TTC17: variants seen among roughly 807,000 people sequenced by gnomAD.
TTC17 encodes tetratricopeptide repeat domain 17.
TTC17 carries 58 observed loss-of-function variants against 143.8 expected under a neutral mutation model. The observed-to-expected ratio is 0.40, with a 90% CI of 0.33 to 0.50. TTC17 has a LOEUF of 0.50. TTC17 is among the 20% of genes least tolerant of loss of function. TTC17 has a pLI of 0.49. For synonymous variants in TTC17, 501 were observed against 497.8 expected (o/e 1.01, Z -0.09); for missense variants, 1,273 against 1,392.5 (o/e 0.91, Z 1.37).
chr11:43,484,363 C>T (rs1438697069), intron 21 of TTC17, among the ~76,000 whole-genome samples: 1 of 152,026 alleles, frequency 6.6e-6, no homozygotes, highest in Admixed American at 6.5e-5. Context: ...AAATATACAT[C>T]GTTATAAAAA....
chr11:43,445,284 T>A (rs1947516663), intron 18 of TTC17, among the ~76,000 whole-genome samples: 1 of 152,212 alleles, frequency 6.6e-6, no homozygotes, highest in Admixed American at 6.5e-5. Context: ...TAATTGCCAC[T>A]GTTTTTCTTT....
chr11:43,491,379 G>A (rs1238483519), intron 22 of TTC17: 3 of 152,158 alleles, frequency 2.0e-5, no homozygotes, highest in Non-Finnish European at 4.4e-5. Flanking sequence ...AATAGGGAAG[G>A]GCTGAGGCTC....
intron 15 of TTC17, among the ~76,000 whole-genome samples, chr11:43,411,679 A>G (rs903347875): frequency 1.3e-5 from 2 of 152,194 alleles, no homozygotes; most frequent in Non-Finnish European, 2.9e-5. Flanking sequence ...TCAATGCAGG[A>G]TATTTTTACA....
At chr11:43,415,914 A>G (rs1184264384) in intron 16 of TTC17, among the ~76,000 whole-genome samples, 1 of 152,202 alleles carries the variant, frequency 6.6e-6, no homozygotes, top group East Asian at 1.9e-4. Flanking sequence ...TAGCAAGGCA[A>G]TAGAGTGGAG....
chr11:43,444,335 A>G (rs1947491418), intron 18 of TTC17, 126 bp downstream of exon 18: 1 of 899,832 alleles, frequency 1.1e-6, no homozygotes, highest in African/African-American at 1.7e-5. Flanking sequence ...TGTGGTCAAG[A>G]AACCAGTCTA....
chr11:43,483,060 A>C (rs1413358727), intron 21 of TTC17, among the ~76,000 whole-genome samples: 1 of 152,178 alleles, frequency 6.6e-6, no homozygotes, highest in African/African-American at 2.4e-5. Context: ...TATAATTGCA[A>C]CTTTATGCCA....
chr11:43,479,481 C>G (rs1948246502), intron 21 of TTC17, among the ~76,000 whole-genome samples: 2 of 151,958 alleles, frequency 1.3e-5, no homozygotes, highest in African/African-American at 2.4e-5. Context: ...AAAAAATTTA[C>G]CTGAAATATT....
At position 43,448,137 on chromosome 11, in the gene TTC17, CCT is replaced by C. The variant is rs1565172137; in HGVS notation, c.2786+19_2786+20del. ...AAAAACATTGAGTAAGTATGTTAAG[CCT>C]CTCCCTCCTTTATGGCATTTGAGTC... On this transcript the variant is annotated intron_variant, in intron 19 of 23. Coordinates refer to ENST00000039989, the MANE Select transcript of TTC17 (RefSeq NM_018259.6). The C allele has an allele frequency of 1.2e-6, 2 of 1,613,426 alleles. No homozygotes were observed. Among genetic ancestry groups the C allele is most frequent in the East Asian group, 4.5e-5 (2 of 44,864 alleles).
At chr11:43,420,777 A>C (rs1220865811) in intron 16 of TTC17, among the ~76,000 whole-genome samples, 1 of 152,162 alleles carries the variant, frequency 6.6e-6, no homozygotes, top group Admixed American at 6.5e-5. Context: ...TTTGTCCTGC[A>C]TGCCAAAAAA....
chr11:43,430,779 CTTCTT>C (rs1361542483), intron 16 of TTC17, among the ~76,000 whole-genome samples: 1 of 147,258 alleles, frequency 6.8e-6, no homozygotes, highest in Non-Finnish European at 1.5e-5. Flanking sequence ...ACATTGATAA[CTTCTT>C]TTTTTAATTA....
chr11:43,365,556 C>T (rs1856302525), intron 1 of TTC17, among the ~76,000 whole-genome samples: 2 of 152,230 alleles, frequency 1.3e-5, no homozygotes, highest in Admixed American at 1.3e-4. Flanking sequence ...GCATGAGCCG[C>T]CATGCCTGGC....
chr11:43,428,876 G>A (rs1405426239), intron 16 of TTC17, among the ~76,000 whole-genome samples: 2 of 152,122 alleles, frequency 1.3e-5, no homozygotes, highest in Non-Finnish European at 2.9e-5. Context: ...CACCAGGAGA[G>A]AGTGCTGATT....
At chr11:43,472,173 A>G (rs1213766285) in intron 21 of TTC17, among the ~76,000 whole-genome samples, 1 of 152,154 alleles carries the variant, frequency 6.6e-6, no homozygotes, top group Non-Finnish European at 1.5e-5. Context: ...CCTGAACAAC[A>G]GAGACCATCT....
intron 21 of TTC17, among the ~76,000 whole-genome samples, chr11:43,465,175 A>G (rs1043537737): frequency 2.0e-5 from 3 of 152,208 alleles, no homozygotes; most frequent in African/African-American, 7.2e-5. Context: ...CCTTTACACA[A>G]TGTCATAGCA....
chr11:43,379,209 T>G, intron 1 of TTC17, 24 bp from the exon 2 acceptor site: 1 of 1,601,478 alleles, frequency 6.2e-7, no homozygotes, highest in African/African-American at 1.3e-5. Context: ...ATCCGAGCTT[T>G]ATTTATTTAT....
At chr11:43,435,277 T>C (rs1947266867) in intron 16 of TTC17, 1 of 152,160 alleles carries the variant, frequency 6.6e-6, no homozygotes, top group African/African-American at 2.4e-5. Context: ...TGAAAATGCA[T>C]TTTCATTGAC....
At position 43,405,648 on chromosome 11, in the gene TTC17, G is replaced by T; in HGVS notation, c.1595+19G>T. Reference sequence around the variant, plus strand: ...GACTCAGGCAAGTGGTGATGGATTTGGCAAAGCACCTGATTCTGCATGATT... The same window carrying T: ...GACTCAGGCAAGTGGTGATGGATTTTGCAAAGCACCTGATTCTGCATGATT... On this transcript the variant is annotated intron_variant, in intron 12 of 23. Transcript: ENST00000039989. 1 of 1,612,910 alleles carries T rather than the reference G, an allele frequency of 6.2e-7. No homozygotes were observed. Among genetic ancestry groups the T allele is most frequent in the South Asian group, 1.1e-5 (1 of 91,040 alleles).
In TTC17 at chr11:43,405,791, A is replaced by G. The variant is rs1481610664; in HGVS notation, c.1601A>G (p.His534Arg). ...LPPENKGLRI[H>R]ELSSDDYSTE... ...GTTCCTTTTTCTTGTGCCAGGATCC[A>G]CGAACTCAGCAGTGATGATTATTCT... is the stretch of plus-strand genomic sequence containing the variant. Residue 534 changes from histidine to arginine, a missense_variant, in exon 13 of 24, where the codon CAC becomes CGC. By Grantham distance (29) the His-to-Arg change is conservative. This residue lies in a region of TTC17 where 878 missense variants were observed against 899.8 expected (regional missense o/e 0.98). Transcript: ENST00000039989. The G allele has an allele frequency of 1.9e-6, 3 of 1,613,514 alleles. No homozygotes were observed. The highest frequency in any genetic ancestry group is 2.5e-6 in the Non-Finnish European group (3 of 1,179,850).
intron 3 of TTC17, 147 bp downstream of exon 3, chr11:43,389,968 G>T (rs1857314474): frequency 1.6e-6 from 1 of 632,202 alleles, no homozygotes; most frequent in African/African-American, 1.9e-5. Flanking sequence ...ACTACATGTA[G>T]AATTCTTATA....
Sources: gnomAD v4.1 joint callset for allele counts (sites outside exome capture counted in the v4.1 genomes callset) on GRCh38, gnomAD v4.1.1 for gene constraint, gnomAD v4.1.1 regional missense constraint, MANE v1.5 for transcripts, NCBI Gene and HGNC (gene_info 2026-07-23, HGNC 2026-07-21) for gene names.